PDE12: variants seen among roughly 807,000 people sequenced by gnomAD.
The protein encoded by PDE12 is phosphodiesterase 12, also known as 2',5'-phosphodiesterase 12.
In PDE12, 26 loss-of-function variants were observed where a neutral mutation model predicts 45.4. That is an observed-to-expected ratio of 0.57 (90% confidence interval 0.42 to 0.79). The LOEUF (loss-of-function observed/expected upper bound fraction) is 0.79, where lower values mean the gene tolerates loss of function less well. Among genes scored for constraint, PDE12 ranks in the 30% least tolerant of loss-of-function variants. The probability of loss-of-function intolerance (pLI) is 0.00; values close to 1 mark genes in which losing one functional copy is unlikely to be tolerated. For synonymous variants in PDE12, 283 were observed against 323.9 expected, an observed-to-expected ratio of 0.87 and a Z score of 1.36; for missense variants, 668 against 790.0, an observed-to-expected ratio of 0.85 and a Z score of 1.85.
At chr3:57,649,455 A>G in the PDE12 span, among the ~76,000 whole-genome samples, 3 of 152,082 alleles carry the variant, frequency 2.0e-5, no homozygotes, top group East Asian at 5.8e-4. Context: ...GAGATTCCTT[A>G]AAGAACTAAA....
the PDE12 span, among the ~76,000 whole-genome samples, chr3:57,595,185 T>G: frequency 1.3e-5 from 2 of 152,228 alleles, no homozygotes; most frequent in African/African-American, 4.8e-5. Flanking sequence ...GGTAGCATAC[T>G]TCTATATTCC....
chr3:57,559,470 G>A (rs753684693), intron 2 of PDE12, 82 bp downstream of exon 2: 1 of 1,565,146 alleles, frequency 6.4e-7, no homozygotes, highest in Non-Finnish European at 8.8e-7. Context: ...TATCTTGAAC[G>A]TCACCCAGAG....
chr3:57,591,632 A>C, the PDE12 span, among the ~76,000 whole-genome samples: 1 of 151,990 alleles, frequency 6.6e-6, no homozygotes, highest in African/African-American at 2.4e-5. Context: ...ACACCCGGCT[A>C]ATTTTTGTAT....
the PDE12 span, among the ~76,000 whole-genome samples, chr3:57,582,494 G>A: frequency 6.6e-6 from 1 of 152,208 alleles, no homozygotes; most frequent in Admixed American, 6.5e-5. Context: ...GCCCGCCTCA[G>A]CCTCCCAAAG....
chr3:57,605,785 TAAGTA>T, the PDE12 span, among the ~76,000 whole-genome samples: 1 of 152,066 alleles, frequency 6.6e-6, no homozygotes, highest in Non-Finnish European at 1.5e-5. Flanking sequence ...TTATTTTAAA[TAAGTA>T]AAGACATGTA....
chr3:57,607,032 C>A, the PDE12 span, among the ~76,000 whole-genome samples: 2 of 152,276 alleles, frequency 1.3e-5, no homozygotes, highest in South Asian at 4.2e-4. Context: ...CAGCCGGGTA[C>A]CCCTCTGAGA....
chr3:57,583,799 T>C, the PDE12 span: 5 of 832,436 alleles, frequency 6.0e-6, no homozygotes, highest in South Asian at 1.5e-5. Context: ...TGCCAACTCA[T>C]AGTAAACACC....
rs1405267843 is a variant in PDE12, at chr3:57,562,743, T to A, written c.*2739T>A. On this transcript the variant is annotated 3_prime_UTR_variant, in exon 3 of 3. Coordinates refer to ENST00000311180, the MANE Select transcript of PDE12 (RefSeq NM_177966.7). Reference sequence around the variant, plus strand: ...CTGTTAAAATGAACTCTTGCACAGTTGCCGCTACAGCAAATGTGTCTGCCA... The same window carrying A: ...CTGTTAAAATGAACTCTTGCACAGTAGCCGCTACAGCAAATGTGTCTGCCA... 6 of 152,236 alleles carry A rather than the reference T, an allele frequency of 3.9e-5. No homozygotes were observed. In the East Asian group the frequency reaches 1.2e-3, roughly 29 times the overall value. 9.4% of individuals were successfully genotyped at this position (152,236 alleles called of 1,614,324 possible).
chr3:57,611,323 G>T, the PDE12 span, among the ~76,000 whole-genome samples: 2 of 152,098 alleles, frequency 1.3e-5, no homozygotes, highest in South Asian at 2.1e-4. Flanking sequence ...ATAGGCATGG[G>T]CAAGGACTTC....
the PDE12 span, among the ~76,000 whole-genome samples, chr3:57,595,525 T>C: frequency 2.0e-5 from 3 of 152,192 alleles, no homozygotes; most frequent in Non-Finnish European, 2.9e-5. Context: ...TCATAAACAA[T>C]TGATTCACAA....
the PDE12 span, chr3:57,628,694 C>G: frequency 9.5e-7 from 1 of 1,054,078 alleles, no homozygotes; most frequent in Non-Finnish European, 1.4e-6. Context: ...TGACCAATTT[C>G]AAGCCCTCTC....
chr3:57,599,068 G>A, the PDE12 span, among the ~76,000 whole-genome samples: 13 of 152,144 alleles, frequency 8.5e-5, no homozygotes, highest in Non-Finnish European at 1.6e-4. Context: ...ATCAGAGCAC[G>A]GTTTGGTTTT....
the PDE12 span, among the ~76,000 whole-genome samples, chr3:57,649,606 C>G: frequency 6.6e-6 from 1 of 150,640 alleles, no homozygotes; most frequent in African/African-American, 2.4e-5. Flanking sequence ...TGGAACAAGC[C>G]CAAATGCCCA....
chr3:57,595,724 G>A, the PDE12 span, among the ~76,000 whole-genome samples: 1 of 152,160 alleles, frequency 6.6e-6, no homozygotes, highest in Non-Finnish European at 1.5e-5. Context: ...CTGGGTGGGT[G>A]GATCACCTGA....
the PDE12 span, among the ~76,000 whole-genome samples, chr3:57,585,765 C>T: frequency 2.0e-5 from 3 of 149,198 alleles, no homozygotes; most frequent in Admixed American, 6.8e-5. Context: ...CAGGTTCAAG[C>T]GATTCTCCTA....
the PDE12 span, among the ~76,000 whole-genome samples, chr3:57,601,993 G>A: frequency 6.6e-6 from 1 of 151,414 alleles, no homozygotes; most frequent in Admixed American, 6.6e-5. Context: ...GACCTCAAGT[G>A]ATCTGCCCAC....
chr3:57,561,923 G>GA lies in PDE12; in HGVS notation c.*1925dup, dbSNP rs1305085618. 1 of 984,604 alleles carries GA rather than the reference G, an allele frequency of 1.0e-6. No homozygotes were observed. The highest frequency in any genetic ancestry group is 1.2e-6 in the Non-Finnish European group (1 of 829,360). The allele number at this position is 984,604 out of a possible 1,614,324, so 61.0% of individuals were successfully genotyped here. A position where few individuals can be genotyped will look rare whatever the true frequency, so the allele number is the denominator to read the frequency against. On this transcript the variant is annotated 3_prime_UTR_variant, in exon 3 of 3. Coordinates refer to ENST00000311180, the MANE Select transcript of PDE12 (RefSeq NM_177966.7). ...TGGAAGTTTCTTCGGATCTTGTTTAGAAAAAACTATAAATAAAAAATTGAT... is the reference window on the plus strand; with the variant it reads ...TGGAAGTTTCTTCGGATCTTGTTTAGAAAAAAACTATAAATAAAAAATTGAT...
the PDE12 span, among the ~76,000 whole-genome samples, chr3:57,623,392 C>T: frequency 6.6e-6 from 1 of 150,938 alleles, no homozygotes; most frequent in Non-Finnish European, 1.5e-5. Flanking sequence ...AATTCATTCA[C>T]TTACGGCTGG....
chr3:57,569,406 G>A (rs1010541760), downstream of PDE12, among the ~76,000 whole-genome samples: 1 of 152,134 alleles, frequency 6.6e-6, no homozygotes, highest in African/African-American at 2.4e-5. Flanking sequence ...AGGCTGGAGT[G>A]CAATGGTGCG....
Sources: allele counts gnomAD v4.1 joint callset (sites outside exome capture counted in the v4.1 genomes callset), GRCh38; gene constraint gnomAD v4.1.1; transcripts MANE v1.5; gene names NCBI Gene and HGNC (gene_info 2026-07-23, HGNC 2026-07-21).